Variants in NT5C3A observed in about 807,000 individuals in gnomAD.
The protein encoded by NT5C3A is cytosolic 5'-nucleotidase 3A.
Under a neutral mutation model 40.0 loss-of-function variants are expected in NT5C3A, and 23 were observed. The ratio of observed to expected loss-of-function variants is 0.58; its 90% confidence interval spans 0.41 to 0.81. The LOEUF (loss-of-function observed/expected upper bound fraction) is 0.81. Among genes scored for constraint, NT5C3A ranks in the 40% least tolerant of loss-of-function variants. The probability of loss-of-function intolerance (pLI) is 0.00; values close to 1 mark genes in which losing one functional copy is unlikely to be tolerated. For synonymous variants in NT5C3A, 130 were observed against 141.4 expected, an observed-to-expected ratio of 0.92 and a Z score of 0.57; for missense variants, 328 against 403.0, an observed-to-expected ratio of 0.81 and a Z score of 1.59.
intron 1 of NT5C3A, among the ~76,000 whole-genome samples, chr7:33,044,058 C>T (rs1787040654): frequency 1.3e-5 from 2 of 150,702 alleles, no homozygotes; most frequent in South Asian, 4.2e-4. Context: ...CAGAGGTTCA[C>T]TCCCGTTGCC....
At chr7:33,027,391 AC>A (rs1348518792) in intron 1 of NT5C3A, among the ~76,000 whole-genome samples, 4 of 152,220 alleles carry the variant, frequency 2.6e-5, no homozygotes, top group African/African-American at 4.8e-5. Context: ...ATTTATACAC[AC>A]AAAAATACTT....
chr7:33,043,009 A>G (rs1335033468), intron 1 of NT5C3A, among the ~76,000 whole-genome samples: 2 of 152,238 alleles, frequency 1.3e-5, no homozygotes, highest in Non-Finnish European at 2.9e-5. Context: ...GATGCCTCTA[A>G]GCACTTGACA....
At chr7:33,061,658 T>C (rs1787783714) in intron 1 of NT5C3A, among the ~76,000 whole-genome samples, 1 of 152,196 alleles carries the variant, frequency 6.6e-6, no homozygotes, top group African/African-American at 2.4e-5. Context: ...CACCCTAAAA[T>C]GATATTATTT....
At chr7:33,018,723 G>T (rs1444119309) in intron 6 of NT5C3A, among the ~76,000 whole-genome samples, 1 of 151,862 alleles carries the variant, frequency 6.6e-6, no homozygotes, top group Non-Finnish European at 1.5e-5. Flanking sequence ...GGTGGCGGGC[G>T]CCTGAAGTCC....
At chr7:33,042,438 A>T (rs1165435307) in intron 1 of NT5C3A, among the ~76,000 whole-genome samples, 2 of 152,224 alleles carry the variant, frequency 1.3e-5, no homozygotes, top group Non-Finnish European at 2.9e-5. Context: ...TAAATAAAAT[A>T]ATAAAATTCA....
intron 3 of NT5C3A, 124 bp downstream of exon 3, chr7:33,023,915 G>A: frequency 2.9e-6 from 2 of 681,390 alleles, no homozygotes; most frequent in African/African-American, 1.8e-5. Context: ...GAAAAAGCAG[G>A]TCTCCTCACT....
chr7:33,018,501 ACAT>A (rs1489962355), intron 6 of NT5C3A, among the ~76,000 whole-genome samples: 2 of 152,224 alleles, frequency 1.3e-5, no homozygotes, highest in Non-Finnish European at 2.9e-5. Flanking sequence ...TAAAAAAGTA[ACAT>A]CATCATATTT....
chr7:33,018,546 A>G (rs1223159207), intron 6 of NT5C3A, among the ~76,000 whole-genome samples: 1 of 152,226 alleles, frequency 6.6e-6, no homozygotes, highest in Admixed American at 6.5e-5. Context: ...ACGAGGTAAT[A>G]AACAGTATTA....
intron 2 of NT5C3A, among the ~76,000 whole-genome samples, chr7:33,024,344 C>T (rs539605225): frequency 6.6e-6 from 1 of 152,304 alleles, no homozygotes; most frequent in Non-Finnish European, 1.5e-5. Context: ...AGTGTTTTCA[C>T]CAAATAAATC....
intron 1 of NT5C3A, among the ~76,000 whole-genome samples, chr7:33,036,563 T>C (rs1264411915): frequency 1.3e-5 from 2 of 152,180 alleles, no homozygotes; most frequent in South Asian, 2.1e-4. Flanking sequence ...TAAGAACTTA[T>C]ATGGTATTAA....
rs35818020 is a variant in NT5C3A at position 33,046,970 on chromosome 7, CTTTT to C, written c.138+15594_138+15597del. Among the ~76,000 whole-genome samples, 26 of 137,004 alleles carry C rather than the reference CTTTT, an allele frequency of 1.9e-4. 1 individual carries two copies. The South Asian group carries it at 5.8e-3, about 30-fold the overall frequency. 89.9% of individuals were successfully genotyped at this position (137,004 alleles called of 152,430 possible). On this transcript the variant is annotated intron_variant, in intron 1 of 8. Coordinates refer to ENST00000610140, the MANE Select transcript of NT5C3A (RefSeq NM_001002010.5). Reference sequence around the variant, plus strand: ...AGGTGCACCCTGCCACACCTGGCTTCTTTTTTTTTTTTTTTTAAGAGTCGGGTCT... The same window carrying C: ...AGGTGCACCCTGCCACACCTGGCTTCTTTTTTTTTTTTAAGAGTCGGGTCT...
intron 1 of NT5C3A, among the ~76,000 whole-genome samples, chr7:33,032,295 C>T (rs1786310073): frequency 6.6e-6 from 1 of 151,582 alleles, no homozygotes; most frequent in East Asian, 2.0e-4. Context: ...TGGTGGCATA[C>T]ACCTGTAACC....
chr7:33,035,028 T>TA (rs34359635), intron 1 of NT5C3A, among the ~76,000 whole-genome samples: 110,038 of 151,906 alleles, frequency 0.72, 40,133 homozygotes, highest in African/African-American at 0.79. Context: ...ACTAACGTAA[T>TA]AGAGTAGATC....
At chr7:33,028,415 T>C (rs1469501724) in intron 1 of NT5C3A, among the ~76,000 whole-genome samples, 3 of 152,228 alleles carry the variant, frequency 2.0e-5, no homozygotes, top group East Asian at 3.8e-4. Flanking sequence ...CAAGCTCTCA[T>C]AGCACATGTA....
chr7:33,055,921 G>C (rs1316649342), intron 1 of NT5C3A, among the ~76,000 whole-genome samples: 2 of 152,006 alleles, frequency 1.3e-5, no homozygotes, highest in Non-Finnish European at 2.9e-5. Context: ...GACCAGCCTG[G>C]GCAACACAGC....
chr7:33,061,988 T>C (rs933433124), intron 1 of NT5C3A, among the ~76,000 whole-genome samples: 1 of 152,224 alleles, frequency 6.6e-6, no homozygotes, highest in Non-Finnish European at 1.5e-5. Flanking sequence ...CGTGGGAGTT[T>C]TGAGACAAGA....
chr7:33,036,111 ATTTAT>A, intron 1 of NT5C3A: 9 of 757,282 alleles, frequency 1.2e-5, no homozygotes, highest in Admixed American at 4.3e-5. Flanking sequence ...GGTATGACTT[ATTTAT>A]TTTGTTTTTT....
At chr7:33,017,772 C>T (rs1785417577) in intron 6 of NT5C3A, among the ~76,000 whole-genome samples, 171 bp from the exon 7 acceptor site, 1 of 152,228 alleles carries the variant, frequency 6.6e-6, no homozygotes, top group Admixed American at 6.5e-5. Context: ...ACAAGTTTTT[C>T]AAACAACAGT....
At chr7:33,052,276 G>A (rs1298080221) in intron 1 of NT5C3A, among the ~76,000 whole-genome samples, 1 of 151,998 alleles carries the variant, frequency 6.6e-6, no homozygotes, top group African/African-American at 2.4e-5. Context: ...CTGAGGTCAG[G>A]AGTTCGAGAC....
Sources: gnomAD v4.1 joint callset for allele counts (sites outside exome capture counted in the v4.1 genomes callset) on GRCh38, gnomAD v4.1.1 for gene constraint, MANE v1.5 for transcripts, NCBI Gene and HGNC (gene_info 2026-07-23, HGNC 2026-07-21) for gene names.